Variants in COL4A4 observed in about 807,000 individuals in gnomAD.
The protein encoded by COL4A4 is collagen type IV alpha 4 chain.
Under a neutral mutation model 192.9 loss-of-function variants are expected in COL4A4, and 105 were observed. The observed-to-expected ratio is 0.54, with a 90% CI of 0.46 to 0.64. The LOEUF is 0.64. Among genes scored for constraint, COL4A4 ranks in the 30% least tolerant of loss-of-function variants. The pLI is 0.00. For synonymous variants in COL4A4, 762 were observed against 769.9 expected (o/e 0.99, Z 0.17); for missense variants, 1,967 against 2,169.3 (o/e 0.91, Z 1.85).
intron 44 of COL4A4, among the ~76,000 whole-genome samples, 177 bp from the exon 45 acceptor site, chr2:227,012,474 C>T (rs1963947737): frequency 6.6e-6 from 1 of 152,086 alleles, no homozygotes; most frequent in South Asian, 2.1e-4. Flanking sequence ...ACTATCTCCA[C>T]TTGCAGTTGG....
At chr2:227,012,494 G>A (rs764679632) in intron 44 of COL4A4, among the ~76,000 whole-genome samples, 197 bp from the exon 45 acceptor site, 4 of 151,906 alleles carry the variant, frequency 2.6e-5, no homozygotes, top group Non-Finnish European at 5.9e-5. Flanking sequence ...GCGTAACTGG[G>A]GCCCCGAGAG....
chr2:227,048,148 G>A (rs1183214783), intron 34 of COL4A4, among the ~76,000 whole-genome samples: 12 of 152,158 alleles, frequency 7.9e-5, no homozygotes, highest in Non-Finnish European at 1.5e-4. Context: ...GTTTGAAGTG[G>A]AGGACTCAAA....
intron 23 of COL4A4, among the ~76,000 whole-genome samples, chr2:227,081,079 G>A (rs899670454): frequency 1.2e-4 from 19 of 152,136 alleles, no homozygotes; most frequent in Admixed American, 7.2e-4. Context: ...ACTGGAGGCC[G>A]GGATCTGGTT....
At position 227,056,066 on chromosome 2, in the gene COL4A4, TGGCCCGGGA is replaced by T. The variant is rs1231861832; in HGVS notation, c.2586_2594del (p.Pro863_Pro865del). On this transcript the variant is annotated inframe_deletion, in exon 30 of 48. Coordinates refer to ENST00000396625, the MANE Select transcript of COL4A4 (RefSeq NM_000092.5). The stretch of plus-strand genomic sequence containing the variant: ...GTCCGGGGAGGCCTTTCATTCCAGC[TGGCCCGGGA>T]GGCCCCACATCTCCCGGCTGTCCTT... The T allele has an allele frequency of 1.2e-6, 2 of 1,613,952 alleles. No individual in the cohort carries two copies. The highest frequency in any genetic ancestry group is 1.7e-6 in the Non-Finnish European group (2 of 1,180,000).
chr2:227,030,216 G>A (rs1967982382), intron 41 of COL4A4, among the ~76,000 whole-genome samples: 1 of 152,074 alleles, frequency 6.6e-6, no homozygotes, highest in Non-Finnish European at 1.5e-5. Context: ...ATTCTGGCCT[G>A]GAAGATTATC....
At chr2:227,064,375 C>G (rs1011694709) in intron 25 of COL4A4, among the ~76,000 whole-genome samples, 19 of 152,044 alleles carry the variant, frequency 1.2e-4, no homozygotes, top group African/African-American at 4.6e-4. Flanking sequence ...AAAAAATGAA[C>G]AAAGACTCTA....
chr2:227,116,005 T>C (rs1283899032), intron 7 of COL4A4, among the ~76,000 whole-genome samples: 2 of 152,218 alleles, frequency 1.3e-5, no homozygotes, highest in East Asian at 3.9e-4. Flanking sequence ...TACCAAAACA[T>C]GTTGCAAAGA....
chr2:227,027,104 A>G (rs1029568430), intron 42 of COL4A4, among the ~76,000 whole-genome samples: 9 of 152,030 alleles, frequency 5.9e-5, no homozygotes, highest in Non-Finnish European at 1.2e-4. Context: ...AAATACAAAA[A>G]TTAGCTAGGC....
the COL4A4 span, among the ~76,000 whole-genome samples, chr2:226,994,474 G>C: frequency 6.6e-6 from 1 of 152,210 alleles, no homozygotes; most frequent in East Asian, 1.9e-4. Flanking sequence ...CATTACAAGA[G>C]TGAGTAAGAC....
chr2:227,066,518 T>C (rs2058351157), intron 25 of COL4A4, among the ~76,000 whole-genome samples: 1 of 152,198 alleles, frequency 6.6e-6, no homozygotes, highest in Non-Finnish European at 1.5e-5. Flanking sequence ...AGTGGATCTT[T>C]CGGCAGAAAC....
intron 34 of COL4A4, among the ~76,000 whole-genome samples, chr2:227,049,557 AAT>A (rs1321770867): frequency 1.3e-5 from 2 of 150,310 alleles, no homozygotes; most frequent in Non-Finnish European, 1.5e-5. Context: ...TAATAATAAT[AAT>A]AAAAAACCCA....
At chr2:227,108,951 G>A in intron 10 of COL4A4, 83 bp from the exon 11 acceptor site, 3 of 1,308,724 alleles carry the variant, frequency 2.3e-6, no homozygotes, top group Non-Finnish European at 3.3e-6. Context: ...CCAAAATAGG[G>A]TCCTATTTAG....
At chr2:226,995,480 A>G in the COL4A4 span, 1 of 1,613,332 alleles carries the variant, frequency 6.2e-7, no homozygotes, top group Non-Finnish European at 8.5e-7. Context: ...TCTCACCAGA[A>G]GAAATGAGGA....
chr2:227,047,523 A>G lies in COL4A4; in HGVS notation c.3241T>C (p.Phe1081Leu). 2 of 1,613,822 alleles carry G rather than the reference A, an allele frequency of 1.2e-6. No homozygotes were observed. The highest frequency in any genetic ancestry group is 1.7e-6 in the Non-Finnish European group (2 of 1,179,844). The part of the protein sequence containing the change: ...KGNKGDPASH[F>L]GPPGPKGEPG... ...TCACCCTTTGGACCAGGTGGACCAA[A>G]GTGACTGGCAGGGTCACCTTTGTTT... Residue 1081 changes from phenylalanine to leucine, a missense_variant, in exon 35 of 48, where the codon TTT becomes CTT. Coordinates refer to ENST00000396625, the MANE Select transcript of COL4A4 (RefSeq NM_000092.5).
intron 37 of COL4A4, 112 bp from the exon 38 acceptor site, chr2:227,033,593 A>G: frequency 1.2e-6 from 1 of 841,778 alleles, no homozygotes; most frequent in Non-Finnish European, 2.0e-6. Flanking sequence ...GCCAGCAAAC[A>G]GCTCTGAGCG....
chr2:227,161,556 A>G (rs1466950859), intron 1 of COL4A4, among the ~76,000 whole-genome samples: 19 of 152,186 alleles, frequency 1.2e-4, no homozygotes, highest in Non-Finnish European at 4.4e-5. Context: ...TGTTTGTTTG[A>G]CAGGTGAGCC....
chr2:226,987,641 C>T, the COL4A4 span, among the ~76,000 whole-genome samples: 1 of 152,228 alleles, frequency 6.6e-6, no homozygotes, highest in Non-Finnish European at 1.5e-5. Context: ...GTCCAGGCCC[C>T]CCTCTGGGTA....
intron 26 of COL4A4, among the ~76,000 whole-genome samples, chr2:227,061,276 G>A (rs763726483): frequency 6.6e-6 from 1 of 152,134 alleles, no homozygotes; most frequent in Admixed American, 6.5e-5. Context: ...TTATATTTCC[G>A]CACTCTTGCC....
At chr2:227,080,020 C>T (rs1200659026) in intron 24 of COL4A4, among the ~76,000 whole-genome samples, 1 of 152,138 alleles carries the variant, frequency 6.6e-6, no homozygotes, top group African/African-American at 2.4e-5. Context: ...CACGAGTTCA[C>T]CCTTTCATGC....
Sources: allele counts gnomAD v4.1 joint callset (sites outside exome capture counted in the v4.1 genomes callset), GRCh38; gene constraint gnomAD v4.1.1; transcripts MANE v1.5; gene names NCBI Gene and HGNC (gene_info 2026-07-23, HGNC 2026-07-21).